Variants in RCAN3 observed in about 807,000 individuals in gnomAD.
RCAN3 encodes calcipressin-3.
RCAN3 carries 19 observed loss-of-function variants against 21.9 expected under a neutral mutation model. The observed-to-expected ratio is 0.87, with a 90% CI of 0.61 to 1.27. The LOEUF (loss-of-function observed/expected upper bound fraction) is 1.27. RCAN3 is among the 50% of genes most tolerant of loss of function. The pLI, the probability that RCAN3 is intolerant of heterozygous loss-of-function variation, is 0.00. For missense variants in RCAN3, 240 were observed against 300.1 expected, an observed-to-expected ratio of 0.80 and a Z score of 1.48; for synonymous variants, 114 against 112.3, an observed-to-expected ratio of 1.01 and a Z score of -0.09.
upstream of RCAN3, chr1:24,502,759 C>CCCCCGCCCCGGT (rs1041342114): frequency 3.3e-5 from 5 of 151,158 alleles, no homozygotes; most frequent in South Asian, 1.0e-3. Flanking sequence ...CCCCCGCGCG[C>CCCCCGCCCCGGT]CCCCGCCCCG....
intron 1 of RCAN3, among the ~76,000 whole-genome samples, chr1:24,504,966 A>G (rs1647312733): frequency 2.0e-5 from 3 of 152,214 alleles, no homozygotes; most frequent in South Asian, 2.1e-4. Context: ...TTCAATTATA[A>G]CAGGACCAAT....
Position 24,540,679 on chromosome 1 carries a change from T to C in RCAN3, c.*5402T>C, listed in dbSNP as rs1011449915. Reference sequence around the variant, plus strand: ...CCAATCATTTCACTTCAATCTTAATTGAACCCAAGAGTCAAAGTTATTATT... The same window carrying C: ...CCAATCATTTCACTTCAATCTTAATCGAACCCAAGAGTCAAAGTTATTATT... On this transcript the variant is annotated 3_prime_UTR_variant, in exon 5 of 5. Coordinates refer to ENST00000374395, the MANE Select transcript of RCAN3 (RefSeq NM_013441.4). 1.3e-5 allele frequency: 2 copies of C among 152,204 alleles called. No homozygotes were observed. Among genetic ancestry groups the C allele is most frequent in the Non-Finnish European group, 2.9e-5 (2 of 68,032 alleles). 9.4% of individuals were successfully genotyped at this position (152,204 alleles called of 1,614,324 possible).
chr1:24,515,025 T>C (rs749048807), intron 2 of RCAN3, among the ~76,000 whole-genome samples: 1 of 152,102 alleles, frequency 6.6e-6, no homozygotes, highest in Non-Finnish European at 1.5e-5. Flanking sequence ...AGAATTTTTA[T>C]TGTATTTTTA....
chr1:24,512,396 C>G (rs1239932159), intron 1 of RCAN3, among the ~76,000 whole-genome samples: 1 of 151,680 alleles, frequency 6.6e-6, no homozygotes, highest in Non-Finnish European at 1.5e-5. Flanking sequence ...GAACGAGGTT[C>G]TTTAGGAGAT....
At chr1:24,531,161 GTTTTTCTTT>G in intron 2 of RCAN3, 48 bp from the exon 3 acceptor site, 1 of 1,219,650 alleles carries the variant, frequency 8.2e-7, no homozygotes, top group Non-Finnish European at 1.1e-6. Context: ...TCTGTTAAAG[GTTTTTCTTT>G]TTTTTTTTTC....
At position 24,512,370 on chromosome 1, in the gene RCAN3, C is replaced by T. The variant is rs61675537; in HGVS notation, c.-59-1944C>T. ...TCTCAAAAAAAAAAAAAATTAAGTA[C>T]AGCTGACAGCTGATGGAACGAGGTT... On this transcript the variant is annotated intron_variant, in intron 1 of 4. Coordinates refer to ENST00000374395, the MANE Select transcript of RCAN3 (RefSeq NM_013441.4). 1.3e-3 allele frequency among the ~76,000 whole-genome samples: 197 copies of T among 151,478 alleles called. 1 individual carries two copies. The highest frequency in any genetic ancestry group is 4.6e-3 in the African/African-American group (192 of 41,336).
intron 2 of RCAN3, among the ~76,000 whole-genome samples, chr1:24,519,326 A>G (rs1648600240): frequency 6.6e-6 from 1 of 151,650 alleles, no homozygotes; most frequent in African/African-American, 2.4e-5. Flanking sequence ...TGCTGGGATT[A>G]TAGGTGTGAT....
intron 2 of RCAN3, among the ~76,000 whole-genome samples, chr1:24,526,357 C>G (rs958109231): frequency 6.6e-6 from 1 of 151,956 alleles, no homozygotes; most frequent in Non-Finnish European, 1.5e-5. Context: ...GCCACTGTGC[C>G]TGGCCATTTT....
intron 2 of RCAN3, among the ~76,000 whole-genome samples, chr1:24,515,274 G>T (rs1221996422): frequency 6.6e-6 from 1 of 152,144 alleles, no homozygotes; most frequent in Non-Finnish European, 1.5e-5. Flanking sequence ...TTTTCCTGGG[G>T]CTGATTTACA....
Position 24,535,610 on chromosome 1 carries a change from T to C in RCAN3, c.*333T>C, listed in dbSNP as rs1032206913. 1 of 241,228 alleles carries C rather than the reference T, an allele frequency of 4.1e-6. No individual in the cohort carries two copies. The highest frequency in any genetic ancestry group is 2.2e-5 in the African/African-American group (1 of 44,852). 14.9% of individuals were successfully genotyped at this position (241,228 alleles called of 1,614,324 possible). On this transcript the variant is annotated 3_prime_UTR_variant, in exon 5 of 5. Transcript: ENST00000374395. ...TAAGTCCTCCTGATTCTGTATCACATGAGACACCAAAAACTGGAAATGTAG... is the reference window on the plus strand; with the variant it reads ...TAAGTCCTCCTGATTCTGTATCACACGAGACACCAAAAACTGGAAATGTAG...
At chr1:24,511,474 T>C (rs1647882594) in intron 1 of RCAN3, among the ~76,000 whole-genome samples, 1 of 149,986 alleles carries the variant, frequency 6.7e-6, no homozygotes, top group Non-Finnish European at 1.5e-5. Flanking sequence ...CCCATGTGTA[T>C]TGGTGAAGAA....
intron 2 of RCAN3, among the ~76,000 whole-genome samples, chr1:24,527,543 T>G (rs1649376468): frequency 2.6e-5 from 4 of 152,200 alleles, no homozygotes; most frequent in Admixed American, 2.6e-4. Flanking sequence ...GCACAAATTA[T>G]TTTATATTTT....
chr1:24,531,179 T>C (rs1034380313), intron 2 of RCAN3, 39 bp from the exon 3 acceptor site: 15 of 1,360,618 alleles, frequency 1.1e-5, no homozygotes, highest in Middle Eastern at 2.0e-4. Flanking sequence ...TTTTTTTTTT[T>C]CCTCCCCTTC....
At chr1:24,508,096 A>G (rs965240169) in intron 1 of RCAN3, among the ~76,000 whole-genome samples, 2 of 152,226 alleles carry the variant, frequency 1.3e-5, no homozygotes, top group East Asian at 1.9e-4. Context: ...CAGCCTGGAC[A>G]AGAGTGAAAC....
intron 1 of RCAN3, among the ~76,000 whole-genome samples, chr1:24,504,449 T>A (rs539826166): frequency 7.5e-6 from 1 of 133,304 alleles, no homozygotes; most frequent in African/African-American, 3.3e-5. Flanking sequence ...ATTACAGGCA[T>A]GAGCCACCGC....
At chr1:24,517,201 G>A (rs561385109) in intron 2 of RCAN3, among the ~76,000 whole-genome samples, 292 of 151,570 alleles carry the variant, frequency 1.9e-3, no homozygotes, top group Non-Finnish European at 3.3e-3. Context: ...TGCAACCTCC[G>A]CCTCCCAGGT....
At chr1:24,513,130 G>A (rs529910934) in intron 1 of RCAN3, among the ~76,000 whole-genome samples, 1 of 152,210 alleles carries the variant, frequency 6.6e-6, no homozygotes, top group East Asian at 1.9e-4. Flanking sequence ...CCAGCTACCT[G>A]GGAGGCTGAG....
chr1:24,517,034 A>G (rs558824524), intron 2 of RCAN3, among the ~76,000 whole-genome samples: 3 of 152,024 alleles, frequency 2.0e-5, no homozygotes, highest in African/African-American at 7.3e-5. Context: ...TGTTAAAATT[A>G]TATATGTAGG....
chr1:24,533,004 G>A (rs899650535), intron 3 of RCAN3, 79 bp from the exon 4 acceptor site: 4 of 667,536 alleles, frequency 6.0e-6, no homozygotes, highest in Admixed American at 7.7e-5. Context: ...CAAAAAGATG[G>A]AACAGTCAAC....
Sources: allele counts gnomAD v4.1 joint callset (sites outside exome capture counted in the v4.1 genomes callset), GRCh38; gene constraint gnomAD v4.1.1; transcripts MANE v1.5; gene names NCBI Gene and HGNC (gene_info 2026-07-23, HGNC 2026-07-21).